HCN3: variants seen among roughly 807,000 people sequenced by gnomAD.
HCN3 encodes the protein hyperpolarization activated cyclic nucleotide gated potassium channel 3.
In HCN3, 36 loss-of-function variants were observed where a neutral mutation model predicts 56.8. That is an observed-to-expected ratio of 0.63 (90% CI 0.49 to 0.84). The LOEUF (loss-of-function observed/expected upper bound fraction) is 0.84, where lower values mean the gene tolerates loss of function less well. HCN3 is among the 40% of genes least tolerant of loss of function. HCN3 has a pLI of 0.00. For missense variants in HCN3, 930 were observed against 1,079.3 expected (o/e 0.86, Z 1.94); for synonymous variants, 425 against 439.7 (o/e 0.97, Z 0.42).
intron 6 of HCN3, among the ~76,000 whole-genome samples, 174 bp downstream of exon 6, chr1:155,286,138 T>C (rs564241242): frequency 6.6e-6 from 1 of 151,502 alleles, no homozygotes; most frequent in African/African-American, 2.4e-5. Context: ...ATAGTTTTTG[T>C]TTGTTTGTTT....
intron 7 of HCN3, 120 bp downstream of exon 7, chr1:155,287,457 A>G (rs549232611): frequency 2.5e-6 from 3 of 1,198,076 alleles, no homozygotes; most frequent in South Asian, 1.4e-5. Context: ...GTCCCAACAA[A>G]TGCTCCCTAA....
At chr1:155,280,476 G>T (rs1204850891) in intron 1 of HCN3, among the ~76,000 whole-genome samples, 2 of 144,944 alleles carry the variant, frequency 1.4e-5, no homozygotes, top group African/African-American at 5.1e-5. Context: ...TCGCTCTGTC[G>T]CCCAGGCTGG....
chr1:155,285,664 T>A lies in HCN3; in HGVS notation c.1237-60T>A. 6.3e-7 allele frequency: 1 copy of A among 1,597,334 alleles called. No individual in the cohort carries two copies. The highest frequency in any genetic ancestry group is 8.5e-7 in the Non-Finnish European group (1 of 1,170,292). ...GTGGGGTTTCTGGAAGCGGATGAGCTCGGTGGGATCATCTCAGGTCAGGGG... is the reference window on the plus strand; with the variant it reads ...GTGGGGTTTCTGGAAGCGGATGAGCACGGTGGGATCATCTCAGGTCAGGGG... On this transcript the variant is annotated intron_variant, in intron 5 of 7. Transcript: ENST00000368358. The surrounding 1 kb of genome is among the most constrained non-coding windows in gnomAD (Gnocchi z 4.5).
At chr1:155,287,373 A>G (rs777530723) in intron 7 of HCN3, 36 bp downstream of exon 7, 2 of 1,609,332 alleles carry the variant, frequency 1.2e-6, no homozygotes, top group Non-Finnish European at 1.7e-6. Flanking sequence ...CTGGGTCCAG[A>G]CTGTGCTCTC....
In HCN3 at chr1:155,282,514, G is replaced by T. The variant is rs765836236; in HGVS notation, c.382G>T (p.Val128Phe). ...GGAGGAGAACTCCCCGCCTTGGATCGTCTTCAACGTATTGTCTGATACTTT... is the reference window on the plus strand; with the variant it reads ...GGAGGAGAACTCCCCGCCTTGGATCTTCTTCAACGTATTGTCTGATACTTT... ...FKEENSPPWIVFNVLSDTFFL... is the reference protein window; with the variant it reads ...FKEENSPPWIFFNVLSDTFFL... Residue 128 changes from valine to phenylalanine, a missense_variant, in exon 2 of 8, where the codon GTC (valine) becomes TTC (phenylalanine). Transcript: ENST00000368358. The surrounding 1 kb of genome is among the most constrained non-coding windows in gnomAD (Gnocchi z 4.7). 1 of 1,614,232 alleles carries T rather than the reference G, an allele frequency of 6.2e-7. No homozygotes were observed. Among genetic ancestry groups the T allele is most frequent in the Non-Finnish European group, 8.5e-7 (1 of 1,180,046 alleles).
chr1:155,285,978 AG>A lies in HCN3; in HGVS notation c.1477+17del. The A allele has an allele frequency of 1.3e-6, 2 of 1,564,284 alleles. No homozygotes were observed. Among genetic ancestry groups the A allele is most frequent in the Non-Finnish European group, 1.7e-6 (2 of 1,150,964 alleles). On this transcript the variant is annotated intron_variant, in intron 6 of 7. Transcript: ENST00000368358. This position sits in a 1 kb window ranked among gnomAD's most constrained non-coding sequence, Gnocchi z 4.5. ...CCTACTTTGGGGGTCAGCAGGCCTC[AG>A]GGAGGGTGGCAGGGTCACGAGCAGA... is the stretch of plus-strand genomic sequence containing the variant.
rs1435488644 is a variant in HCN3, at chr1:155,284,712, A to C, written c.1044A>C (p.Ala348=). 1 of 1,614,002 alleles carries C rather than the reference A, an allele frequency of 6.2e-7. No individual in the cohort carries two copies. The highest frequency in any genetic ancestry group is 1.3e-5 in the African/African-American group (1 of 74,906). ...CCATGTTCATCGGCCATGCCACGGCACTCATCCAGTCCCTGGACTCTTCCC... is the reference window on the plus strand; with the variant it reads ...CCATGTTCATCGGCCATGCCACGGCCCTCATCCAGTCCCTGGACTCTTCCC... ...CYAMFIGHAT[A]LIQSLDSSRR... is the part of the protein sequence containing the mutation. The change falls in exon 4 of 8, where the codon GCA becomes GCC. Residue 348 remains alanine, a synonymous_variant. Transcript: ENST00000368358. This position sits in a 1 kb window ranked among gnomAD's most constrained non-coding sequence, Gnocchi z 4.3.
In HCN3 at chr1:155,284,837, G is replaced by C. The variant is rs1674211732; in HGVS notation, c.1089+80G>C. On this transcript the variant is annotated intron_variant, in intron 4 of 7. Coordinates refer to ENST00000368358, the MANE Select transcript of HCN3 (RefSeq NM_020897.3). This position sits in a 1 kb window ranked among gnomAD's most constrained non-coding sequence, Gnocchi z 4.3. Reference sequence around the variant, plus strand: ...AGCCTGACTTGAGGCCCATTCTGATGTGTGCCCCTGTTGCGTCTCTGTTTC... The same window carrying C: ...AGCCTGACTTGAGGCCCATTCTGATCTGTGCCCCTGTTGCGTCTCTGTTTC... The C allele has an allele frequency of 7.2e-6, 9 of 1,242,810 alleles. No individual in the cohort carries two copies. Among genetic ancestry groups the C allele is most frequent in the Middle Eastern group, 2.5e-4 (1 of 3,930 alleles). 77.0% of individuals were successfully genotyped at this position (1,242,810 alleles called of 1,614,324 possible).
In HCN3 at chr1:155,288,511, A is replaced by C; in HGVS notation, c.*48A>C. 6.6e-7 allele frequency: 1 copy of C among 1,520,800 alleles called. No individual in the cohort carries two copies. Among genetic ancestry groups the C allele is most frequent in the South Asian group, 1.3e-5 (1 of 75,640 alleles). The allele number at this position is 1,520,800 out of a possible 1,614,324, so 94.2% of individuals were successfully genotyped here. ...TAGTTCTTGGGGTGCAGTAGTATGTACCCAAGGGCAGATGCCTCTTGGGGA... is the reference window on the plus strand; with the variant it reads ...TAGTTCTTGGGGTGCAGTAGTATGTCCCCAAGGGCAGATGCCTCTTGGGGA... On this transcript the variant is annotated 3_prime_UTR_variant, in exon 8 of 8. Transcript: ENST00000368358. The surrounding 1 kb of genome is among the most constrained non-coding windows in gnomAD (Gnocchi z 6.5).
chr1:155,281,558 G>A (rs1472927864), intron 1 of HCN3, among the ~76,000 whole-genome samples: 6 of 151,628 alleles, frequency 4.0e-5, no homozygotes, highest in Non-Finnish European at 8.8e-5. Flanking sequence ...TTGTAGAGAC[G>A]AGGTTTTGCC....
chr1:155,287,112 T>C, intron 6 of HCN3, 61 bp from the exon 7 acceptor site: 1 of 1,583,098 alleles, frequency 6.3e-7, no homozygotes, highest in South Asian at 1.1e-5. Context: ...TGCTGCAGGC[T>C]CAGCAAGAGG....
chr1:155,288,067 T>A lies in HCN3; in HGVS notation c.1929T>A (p.Ala643=). 6.2e-7 allele frequency: 1 copy of A among 1,613,152 alleles called. No homozygotes were observed. Among genetic ancestry groups the A allele is most frequent in the Non-Finnish European group, 8.5e-7 (1 of 1,179,792 alleles). ...LSPDSPATLL[A]RSAWRSAGSP... ...CTGACTCTCCAGCCACCCTCCTTGC[T>A]CGCTCTGCTTGGCGCTCAGCAGGCT... Residue 643 remains alanine, a synonymous_variant, in exon 8 of 8, where the codon GCT becomes GCA. Coordinates refer to ENST00000368358, the MANE Select transcript of HCN3 (RefSeq NM_020897.3). The surrounding 1 kb of genome is among the most constrained non-coding windows in gnomAD (Gnocchi z 6.5).
In HCN3 at chr1:155,282,629, C is replaced by T. The variant is rs765937571; in HGVS notation, c.497C>T (p.Thr166Met). The part of the protein sequence containing the change: ...EILLAPRAIR[T>M]RYLRTWFLVD... ...CTGCTGGCACCGCGGGCCATCCGCA[C>T]GCGCTACCTGCGCACCTGGTTCCTG... Residue 166 changes from threonine to methionine, a missense_variant, in exon 2 of 8, where the codon ACG (threonine) becomes ATG (methionine). Coordinates refer to ENST00000368358, the MANE Select transcript of HCN3 (RefSeq NM_020897.3). This position sits in a 1 kb window ranked among gnomAD's most constrained non-coding sequence, Gnocchi z 4.7. 4 of 1,614,118 alleles carry T rather than the reference C, an allele frequency of 2.5e-6. No homozygotes were observed. Among genetic ancestry groups the T allele is most frequent in the East Asian group, 4.5e-5 (2 of 44,900 alleles).
In HCN3 at chr1:155,288,671, C is replaced by A; in HGVS notation, c.*208C>A. On this transcript the variant is annotated 3_prime_UTR_variant, in exon 8 of 8. Transcript: ENST00000368358. The surrounding 1 kb of genome is among the most constrained non-coding windows in gnomAD (Gnocchi z 6.5). Reference sequence around the variant, plus strand: ...CTTGTCCCATCATAATCCATTCACCCGTTCATCATGTGTACTGAGCAGCTA... The same window carrying A: ...CTTGTCCCATCATAATCCATTCACCAGTTCATCATGTGTACTGAGCAGCTA... 2 of 635,640 alleles carry A rather than the reference C, an allele frequency of 3.1e-6. No homozygotes were observed. Among genetic ancestry groups the A allele is most frequent in the Non-Finnish European group, 5.2e-6 (2 of 381,388 alleles). 39.4% of individuals were successfully genotyped at this position (635,640 alleles called of 1,614,324 possible). A position where few individuals can be genotyped will look rare whatever the true frequency, so the allele number is the denominator to read the frequency against.
Position 155,283,302 on chromosome 1 carries a change from G to A in HCN3, c.708+462G>A, listed in dbSNP as rs1017309876. On this transcript the variant is annotated intron_variant, in intron 2 of 7. Transcript: ENST00000368358. The stretch of plus-strand genomic sequence containing the variant: ...ATGAGAGTGTTAAATACACTTACCT[G>A]TGATAAGACTGTTAGGATTAAAGGA... Among the ~76,000 whole-genome samples, 3 of 152,230 alleles carry A rather than the reference G, an allele frequency of 2.0e-5. No homozygotes were observed. In the South Asian group the frequency reaches 6.2e-4, roughly 32 times the overall value.
In HCN3 at chr1:155,282,675, C is replaced by G. The variant is rs752422015; in HGVS notation, c.543C>G (p.Ile181Met). The change falls in exon 2 of 8, where the codon ATC becomes ATG. Residue 181 changes from isoleucine (I) to methionine (M), a missense_variant. Transcript: ENST00000368358. This position sits in a 1 kb window ranked among gnomAD's most constrained non-coding sequence, Gnocchi z 4.7. ...TCCTGGTTGACCTCATCTCTTCTAT[C>G]CCTGTGGATTACATCTTCCTAGTGG... ...TWFLVDLISS[I>M]PVDYIFLVVE... The G allele has an allele frequency of 6.2e-7, 1 of 1,614,238 alleles. No homozygotes were observed. The highest frequency in any genetic ancestry group is 2.2e-5 in the East Asian group (1 of 44,880).
At position 155,284,252 on chromosome 1, in the gene HCN3, C is replaced by G; in HGVS notation, c.870+117C>G. On this transcript the variant is annotated intron_variant, in intron 3 of 7. Transcript: ENST00000368358. The surrounding 1 kb of genome is among the most constrained non-coding windows in gnomAD (Gnocchi z 4.3). ...AGATGATCACAACAGAAAATAGGAG[C>G]GAGGAGGTGGGGAGGAGGGAGGAAA... 8.0e-7 allele frequency: 1 copy of G among 1,242,368 alleles called. No homozygotes were observed. Among genetic ancestry groups the G allele is most frequent in the Non-Finnish European group, 1.1e-6 (1 of 891,634 alleles). The allele number at this position is 1,242,368 out of a possible 1,614,324, so 77.0% of individuals were successfully genotyped here.
Position 155,277,530 on chromosome 1 carries a change from G to A in HCN3, c.-61G>A. On this transcript the variant is annotated 5_prime_UTR_variant, in exon 1 of 8. Transcript: ENST00000368358. ...CGCCGACTCCTGCTCTGGAGGGGTT[G>A]CGGGTACCTGATGGCCACAGAGGGC... 2.7e-6 allele frequency: 4 copies of A among 1,492,852 alleles called. No individual in the cohort carries two copies. The highest frequency in any genetic ancestry group is 2.4e-5 in the East Asian group (1 of 40,910). 92.5% of individuals were successfully genotyped at this position (1,492,852 alleles called of 1,614,324 possible). A position where few individuals can be genotyped will look rare whatever the true frequency, so the allele number is the denominator to read the frequency against.
In HCN3 at chr1:155,285,414, C is replaced by T. The variant is rs564489778; in HGVS notation, c.1236+103C>T. ...CAGGTGCTCCTATAGGGAATGAGGC[C>T]TGCAGAGGGCCCCGTGGGAGGCCAG... On this transcript the variant is annotated intron_variant, in intron 5 of 7. Transcript: ENST00000368358. The surrounding 1 kb of genome is among the most constrained non-coding windows in gnomAD (Gnocchi z 4.5). The T allele has an allele frequency of 1.7e-3, 2,524 of 1,446,616 alleles. 2 individuals carry two copies. The highest frequency in any genetic ancestry group is 2.4e-3 in the Admixed American group (101 of 41,578). 89.6% of individuals were successfully genotyped at this position (1,446,616 alleles called of 1,614,324 possible).
Sources: gnomAD v4.1 joint callset for allele counts (sites outside exome capture counted in the v4.1 genomes callset) on GRCh38, gnomAD v4.1.1 for gene constraint, Gnocchi (gnomAD v3.1) non-coding constraint, MANE v1.5 for transcripts, NCBI Gene and HGNC (gene_info 2026-07-23, HGNC 2026-07-21) for gene names.